CNR1: variants seen among roughly 807,000 people sequenced by gnomAD.
The protein encoded by CNR1 is cannabinoid receptor 1.
In CNR1, 10 loss-of-function variants were observed where a neutral mutation model predicts 23.0. The ratio of observed to expected loss-of-function variants is 0.43; its 90% confidence interval spans 0.27 to 0.74. CNR1 has a LOEUF of 0.74. CNR1 is among the 30% of genes least tolerant of loss of function. The pLI is 0.19. For synonymous variants in CNR1, 271 were observed against 255.2 expected (o/e 1.06, Z -0.59); for missense variants, 422 against 618.8 (o/e 0.68, Z 3.37).
chr6:88,153,822 T>C (rs771764058), intron 1 of CNR1, among the ~76,000 whole-genome samples: 16 of 152,260 alleles, frequency 1.1e-4, no homozygotes, highest in Non-Finnish European at 1.5e-4. Context: ...ACACGGCAGA[T>C]GCCATAGGCC....
rs370487985 is a variant in CNR1 at position 88,143,969 on chromosome 6, C to T, written c.1306G>A (p.Ala436Thr). ...CTGTGAACACTGGCTGCATTGTTTGCGTGTTTGTGCAGGCAGTCCGAGTCC... is the reference window on the plus strand; with the variant it reads ...CTGTGAACACTGGCTGCATTGTTTGTGTGTTTGTGCAGGCAGTCCGAGTCC... Reference protein sequence around the residue: ...MGDSDCLHKHANNAASVHRAA... With the variant: ...MGDSDCLHKHTNNAASVHRAA... Residue 436 changes from alanine (A) to threonine (T), a missense_variant, in exon 2 of 2, where the codon GCA becomes ACA. Physicochemically the swap from Ala to Thr is moderately conservative, Grantham distance 58. Transcript: ENST00000369501. 5.0e-5 allele frequency: 81 copies of T among 1,613,910 alleles called. No individual in the cohort carries two copies. The highest frequency in any genetic ancestry group is 8.9e-5 in the East Asian group (4 of 44,874).
intron 1 of CNR1, among the ~76,000 whole-genome samples, chr6:88,164,932 A>T (rs1450392430): frequency 7.9e-5 from 12 of 152,256 alleles, no homozygotes; most frequent in African/African-American, 2.9e-4. Context: ...ATTGGATTAC[A>T]TGCCCGAGGA....
At chr6:88,152,256 T>G (rs1029533357) in intron 1 of CNR1, among the ~76,000 whole-genome samples, 5 of 151,706 alleles carry the variant, frequency 3.3e-5, no homozygotes, top group African/African-American at 1.2e-4. Flanking sequence ...ATTAAGGCAT[T>G]TTGCCAATAG....
At chr6:88,166,620 C>T (rs1456831802), upstream of CNR1, among the ~76,000 whole-genome samples, 1 of 152,198 alleles carries the variant, frequency 6.6e-6, no homozygotes, top group Non-Finnish European at 1.5e-5. Context: ...TCCCGGAGGC[C>T]CCCGCTGCCA....
intron 1 of CNR1, among the ~76,000 whole-genome samples, chr6:88,160,222 C>T (rs988999228): frequency 3.3e-5 from 5 of 151,728 alleles, no homozygotes; most frequent in Non-Finnish European, 7.4e-5. Context: ...ACCCAGGAAG[C>T]GGAGGCTGCA....
In CNR1 at chr6:88,142,839, A is replaced by T. The variant is rs1346950548; in HGVS notation, c.*1017T>A. Reference sequence around the variant, plus strand: ...ACACTACTTCTTTTCAATTAAAAAAAATGAAGACTGTTGTTTGGCCACCCA... The same window carrying T: ...ACACTACTTCTTTTCAATTAAAAAATATGAAGACTGTTGTTTGGCCACCCA... On this transcript the variant is annotated 3_prime_UTR_variant, in exon 2 of 2. Transcript: ENST00000369501. 2 of 152,734 alleles carry T rather than the reference A, an allele frequency of 1.3e-5. No individual in the cohort carries two copies. Among genetic ancestry groups the T allele is most frequent in the African/African-American group, 4.8e-5 (2 of 41,460 alleles). The allele number at this position is 152,734 out of a possible 1,614,324, so 9.5% of individuals were successfully genotyped here.
chr6:88,144,431 C>T lies in CNR1; in HGVS notation c.844G>A (p.Val282Ile). The T allele has an allele frequency of 6.2e-7, 1 of 1,614,094 alleles. No homozygotes were observed. Among genetic ancestry groups the T allele is most frequent in the Non-Finnish European group, 8.5e-7 (1 of 1,180,034 alleles). Residue 282 changes from valine to isoleucine, a missense_variant, in exon 2 of 2, where the codon GTC becomes ATC. Physicochemically the swap from Val to Ile is conservative, Grantham distance 29 (BLOSUM62 3). Around this residue, in one of 4 missense-constraint regions of CNR1, gnomAD observed 211 missense variants for 357.3 expected, o/e 0.59. Coordinates refer to ENST00000369501, the MANE Select transcript of CNR1 (RefSeq NM_016083.6). This position sits in a 1 kb window ranked among gnomAD's most constrained non-coding sequence, Gnocchi z 7.8. ...DETYLMFWIG[V>I]TSVLLLFIVY... ...ATGAACAGAAGCAGTACGCTGGTGA[C>T]CCCGATCCAGAACATCAGGTAGGTT...
At chr6:88,154,260 A>G (rs545921320) in intron 1 of CNR1, among the ~76,000 whole-genome samples, 1 of 152,354 alleles carries the variant, frequency 6.6e-6, no homozygotes, top group East Asian at 1.9e-4. Flanking sequence ...ATACGAGTGT[A>G]GTAGACTGTA....
chr6:88,144,962 T>C lies in CNR1; in HGVS notation c.313A>G (p.Ile105Val), dbSNP rs1777080430. 3.7e-6 allele frequency: 6 copies of C among 1,614,200 alleles called. No homozygotes were observed. Among genetic ancestry groups the C allele is most frequent in the Non-Finnish European group, 4.2e-6 (5 of 1,180,014 alleles). Residue 105 changes from isoleucine to valine, a missense_variant, in exon 2 of 2, where the codon ATA becomes GTA. Ile to Val is a conservative substitution (Grantham distance 29). Around this residue, in one of 4 missense-constraint regions of CNR1, gnomAD observed 211 missense variants for 357.3 expected, o/e 0.59. Coordinates refer to ENST00000369501, the MANE Select transcript of CNR1 (RefSeq NM_016083.6). The surrounding 1 kb of genome is among the most constrained non-coding windows in gnomAD (Gnocchi z 7.8). The part of the protein sequence containing the change: ...NIQCGENFMD[I>V]ECFMVLNPSQ... ...GGGTTCAGGACCATGAAACACTCTATGTCCATGAAGTTCTCCCCACACTGG... is the reference window on the plus strand; with the variant it reads ...GGGTTCAGGACCATGAAACACTCTACGTCCATGAAGTTCTCCCCACACTGG...
chr6:88,145,857 T>A lies in CNR1; in HGVS notation c.-63-520A>T, dbSNP rs1777153074. On this transcript the variant is annotated intron_variant, in intron 1 of 1. Transcript: ENST00000369501. ...AACCAAAGAATAAGACAGTGTAGAA[T>A]CAAGTGATGAGTTGTGTGGTCTGTA... is the stretch of plus-strand genomic sequence containing the variant. 3.9e-5 allele frequency among the ~76,000 whole-genome samples: 6 copies of A among 152,184 alleles called. No homozygotes were observed. In the South Asian group the frequency reaches 1.2e-3, roughly 32 times the overall value.
chr6:88,162,762 G>T (rs1298268656), intron 1 of CNR1, among the ~76,000 whole-genome samples: 1 of 152,140 alleles, frequency 6.6e-6, no homozygotes, highest in African/African-American at 2.4e-5. Flanking sequence ...AGCAAAGCAG[G>T]CTGCCTCTCA....
Position 88,140,483 on chromosome 6 carries a change from A to G in CNR1, c.*3373T>C, listed in dbSNP as rs1776749260. 6.5e-6 allele frequency: 1 copy of G among 152,784 alleles called. No individual in the cohort carries two copies. Among genetic ancestry groups the G allele is most frequent in the Non-Finnish European group, 1.5e-5 (1 of 68,030 alleles). 9.5% of individuals were successfully genotyped at this position (152,784 alleles called of 1,614,324 possible). ...ATCAGTAGATAGAATGTTTTTTTCT[A>G]TATTACAATAGGCATTGTTAACATT... On this transcript the variant is annotated 3_prime_UTR_variant, in exon 2 of 2. Coordinates refer to ENST00000369501, the MANE Select transcript of CNR1 (RefSeq NM_016083.6).
chr6:88,143,659 G>C lies in CNR1; in HGVS notation c.*197C>G, dbSNP rs1776956250. On this transcript the variant is annotated 3_prime_UTR_variant, in exon 2 of 2. Transcript: ENST00000369501. Reference sequence around the variant, plus strand: ...ACTTAAACAACAGGCTTTCTTCACTGTAAACCCCTGGAGAATGGAGTTTGA... The same window carrying C: ...ACTTAAACAACAGGCTTTCTTCACTCTAAACCCCTGGAGAATGGAGTTTGA... The C allele has an allele frequency of 1.8e-6, 1 of 565,122 alleles. No homozygotes were observed. The highest frequency in any genetic ancestry group is 3.3e-5 in the Admixed American group (1 of 30,472). The allele number at this position is 565,122 out of a possible 1,614,324, so 35.0% of individuals were successfully genotyped here.
chr6:88,166,567 G>A (rs1419571104), upstream of CNR1, among the ~76,000 whole-genome samples: 2 of 152,114 alleles, frequency 1.3e-5, no homozygotes, highest in African/African-American at 4.8e-5. Context: ...TTCGGCCCGC[G>A]TCACCTACTT....
chr6:88,160,184 C>G (rs1024326137), intron 1 of CNR1, among the ~76,000 whole-genome samples: 1 of 151,868 alleles, frequency 6.6e-6, no homozygotes, highest in African/African-American at 2.4e-5. Flanking sequence ...AAAAATTAGC[C>G]GGGCATGGTA....
chr6:88,164,735 T>C (rs1012926468), intron 1 of CNR1, among the ~76,000 whole-genome samples: 20 of 152,222 alleles, frequency 1.3e-4, no homozygotes, highest in Non-Finnish European at 1.5e-5. Context: ...CTCAATATTC[T>C]GCAAAATAGA....
rs1191310312 is a variant in CNR1, at chr6:88,145,298, A to G, written c.-24T>C. On this transcript the variant is annotated 5_prime_UTR_variant, in exon 2 of 2. Transcript: ENST00000369501. ...ATAACCTCAGTCTTTGATTAGGCTG[A>G]GCTCAAAATGACTGAGAAAGTGACC... The G allele has an allele frequency of 1.3e-6, 2 of 1,576,776 alleles. No individual in the cohort carries two copies. Among genetic ancestry groups the G allele is most frequent in the South Asian group, 2.3e-5 (2 of 85,386 alleles).
chr6:88,158,581 T>C (rs1398961415), intron 1 of CNR1, among the ~76,000 whole-genome samples: 1 of 152,152 alleles, frequency 6.6e-6, no homozygotes, highest in Non-Finnish European at 1.5e-5. Flanking sequence ...AGATCAGATC[T>C]ATGGAAACAA....
chr6:88,143,670 G>C lies in CNR1; in HGVS notation c.*186C>G, dbSNP rs866664158. ...AGGCTTTCTTCACTGTAAACCCCTG[G>C]AGAATGGAGTTTGAGTACCTAAACT... On this transcript the variant is annotated 3_prime_UTR_variant, in exon 2 of 2. Transcript: ENST00000369501. 10 of 589,104 alleles carry C rather than the reference G, an allele frequency of 1.7e-5. No homozygotes were observed. The highest frequency in any genetic ancestry group is 3.0e-5 in the Non-Finnish European group (10 of 332,668). The allele number at this position is 589,104 out of a possible 1,614,324, so 36.5% of individuals were successfully genotyped here. A position where few individuals can be genotyped will look rare whatever the true frequency, so the allele number is the denominator to read the frequency against.
Sources: allele counts gnomAD v4.1 joint callset (sites outside exome capture counted in the v4.1 genomes callset), GRCh38; gene constraint gnomAD v4.1.1; regional missense constraint gnomAD v4.1.1; non-coding constraint Gnocchi (gnomAD v3.1); transcripts MANE v1.5; gene names NCBI Gene and HGNC (gene_info 2026-07-23, HGNC 2026-07-21).